The following ERI1 variants were observed in gnomAD, a reference collection of about 807,000 sequenced individuals.
The protein encoded by ERI1 is 3'-5' exoribonuclease 1.
ERI1 carries 39 observed loss-of-function variants against 39.7 expected under a neutral mutation model. That is an observed-to-expected ratio of 0.98 (90% confidence interval 0.76 to 1.28). The LOEUF (loss-of-function observed/expected upper bound fraction) is 1.28. Ranked by LOEUF, ERI1 falls within the 50% of genes most tolerant of loss-of-function variation. ERI1 has a pLI of 0.00. For missense variants in ERI1, 581 were observed against 416.9 expected, an observed-to-expected ratio of 1.39 and a Z score of -3.43; for synonymous variants, 204 against 149.6, an observed-to-expected ratio of 1.36 and a Z score of -2.65.
intron 3 of ERI1, among the ~76,000 whole-genome samples, chr8:9,081,956 G>T (rs1245873122): frequency 4.6e-5 from 7 of 152,146 alleles, no homozygotes; most frequent in Non-Finnish European, 8.8e-5. Flanking sequence ...AGCAAAAGTT[G>T]TTCTCTCTGT....
At chr8:9,069,127 A>G (rs1391388821) in intron 3 of ERI1, among the ~76,000 whole-genome samples, 1 of 152,150 alleles carries the variant, frequency 6.6e-6, no homozygotes, top group African/African-American at 2.4e-5. Flanking sequence ...CATTTTAAAT[A>G]TTTATTAAAA....
chr8:9,072,849 G>A (rs554414706), intron 3 of ERI1, among the ~76,000 whole-genome samples: 2 of 152,154 alleles, frequency 1.3e-5, no homozygotes, highest in Non-Finnish European at 2.9e-5. Context: ...GAGTGTGCTC[G>A]GGTGAACTGC....
intron 3 of ERI1, among the ~76,000 whole-genome samples, chr8:9,045,889 G>C (rs1416429424): frequency 6.6e-6 from 1 of 151,842 alleles, no homozygotes; most frequent in Non-Finnish European, 1.5e-5. Flanking sequence ...GTGTTGGCCA[G>C]GCTGGTCTTG....
chr8:9,043,557 A>G (rs1256725777), intron 3 of ERI1, among the ~76,000 whole-genome samples: 1 of 152,234 alleles, frequency 6.6e-6, no homozygotes, highest in Non-Finnish European at 1.5e-5. Flanking sequence ...TGAGATGCAA[A>G]TAGGCCTAGA....
intron 3 of ERI1, among the ~76,000 whole-genome samples, chr8:9,061,996 C>T (rs948528423): frequency 3.8e-4 from 57 of 151,970 alleles, no homozygotes; most frequent in Admixed American, 3.7e-3. Flanking sequence ...TTTGGCACCA[C>T]GGGGTGGATA....
chr8:9,043,246 GA>G (rs1429275798), intron 3 of ERI1, among the ~76,000 whole-genome samples: 1 of 152,230 alleles, frequency 6.6e-6, no homozygotes, highest in Non-Finnish European at 1.5e-5. Context: ...GACAAGCAAT[GA>G]GTGTGTTTTT....
chr8:9,038,619 T>C (rs1797925518), intron 3 of ERI1, among the ~76,000 whole-genome samples: 1 of 152,046 alleles, frequency 6.6e-6, no homozygotes, highest in Non-Finnish European at 1.5e-5. Context: ...TAGCTGGGCG[T>C]GGTGGCACAA....
downstream of ERI1, among the ~76,000 whole-genome samples, chr8:9,038,081 A>G (rs1352026737): frequency 6.6e-6 from 1 of 152,202 alleles, no homozygotes; most frequent in Non-Finnish European, 1.5e-5. Flanking sequence ...AGTTCATAGT[A>G]TAAATATTGA....
chr8:9,094,063 A>T (rs570208126), intron 3 of ERI1, among the ~76,000 whole-genome samples: 1 of 151,572 alleles, frequency 6.6e-6, no homozygotes, highest in Non-Finnish European at 1.5e-5. Flanking sequence ...AATAATTGTT[A>T]TAAACTAATT....
chr8:9,068,070 G>A (rs1798937638), intron 3 of ERI1, among the ~76,000 whole-genome samples: 1 of 152,144 alleles, frequency 6.6e-6, no homozygotes, highest in Admixed American at 6.5e-5. Flanking sequence ...AAAAAGTGGA[G>A]GAAGCAGAGA....
At chr8:9,034,848 C>A (rs1008900561), downstream of ERI1, among the ~76,000 whole-genome samples, 1 of 152,050 alleles carries the variant, frequency 6.6e-6, no homozygotes, top group Non-Finnish European at 1.5e-5. Flanking sequence ...AGTTGTAAAC[C>A]CAAAGGAAAA....
intron 3 of ERI1, among the ~76,000 whole-genome samples, chr8:9,087,024 A>T (rs1799550300): frequency 6.7e-6 from 1 of 148,554 alleles, no homozygotes; most frequent in Non-Finnish European, 1.5e-5. Flanking sequence ...TTCTCATCTT[A>T]TTTTTTTTTT....
chr8:9,039,373 A>G (rs999052289), intron 3 of ERI1, among the ~76,000 whole-genome samples: 1 of 152,214 alleles, frequency 6.6e-6, no homozygotes, highest in Non-Finnish European at 1.5e-5. Context: ...CAAAATATCC[A>G]TGTCATGAAT....
chr8:9,093,654 G>C (rs1355680394), intron 3 of ERI1, among the ~76,000 whole-genome samples: 1 of 152,204 alleles, frequency 6.6e-6, no homozygotes, highest in Admixed American at 6.6e-5. Context: ...TGCAACCTCT[G>C]CCTCCTGGGT....
At chr8:9,008,938 A>G (rs2117188891) in intron 2 of ERI1, 2 of 452,638 alleles carry the variant, frequency 4.4e-6, no homozygotes, top group Non-Finnish European at 8.9e-6. Context: ...CCACTCTTCA[A>G]AAGAGCACAA....
intron 6 of ERI1, among the ~76,000 whole-genome samples, chr8:9,027,527 T>C (rs1797264217): frequency 1.3e-5 from 2 of 152,224 alleles, no homozygotes. Context: ...GCCTGTGTTT[T>C]GGTGACATCC....
chr8:9,092,163 C>T (rs540555436), intron 3 of ERI1, among the ~76,000 whole-genome samples: 369 of 152,260 alleles, frequency 2.4e-3, no homozygotes, highest in African/African-American at 8.4e-3. Context: ...CGCCATGTTG[C>T]CCAGGCTGGT....
Position 9,002,919 on chromosome 8 carries a change from T to C in ERI1, c.-145T>C, listed in dbSNP as rs1049391600. On this transcript the variant is annotated 5_prime_UTR_variant, in exon 1 of 7. Transcript: ENST00000250263. The stretch of plus-strand genomic sequence containing the variant: ...GCCACACGCTCCCGGAAGTGGGAGG[T>C]GGCCGCTGGAGTTTGTGTGGCCGCC... The C allele has an allele frequency of 2.0e-6, 1 of 506,390 alleles. No individual in the cohort carries two copies. Among genetic ancestry groups the C allele is most frequent in the Admixed American group, 4.4e-5 (1 of 22,644 alleles). The allele number at this position is 506,390 out of a possible 1,614,324, so 31.4% of individuals were successfully genotyped here. A position where few individuals can be genotyped will look rare whatever the true frequency, so the allele number is the denominator to read the frequency against.
At chr8:9,012,897 A>C (rs1585195830) in intron 3 of ERI1, among the ~76,000 whole-genome samples, 1 of 149,312 alleles carries the variant, frequency 6.7e-6, no homozygotes, top group Non-Finnish European at 1.5e-5. Flanking sequence ...CCATTCTCTC[A>C]AATTTATACC....
Sources: gnomAD v4.1 joint callset for allele counts (sites outside exome capture counted in the v4.1 genomes callset) on GRCh38, gnomAD v4.1.1 for gene constraint, MANE v1.5 for transcripts, NCBI Gene and HGNC (gene_info 2026-07-23, HGNC 2026-07-21) for gene names.